Variants in TSR1 observed in about 807,000 individuals in gnomAD.
TSR1 encodes TSR1 ribosome maturation factor.
In TSR1, 81 loss-of-function variants were observed where a neutral mutation model predicts 90.9. That is an observed-to-expected ratio of 0.89 (90% CI 0.74 to 1.07). TSR1 has a LOEUF of 1.07. Ranked by LOEUF, TSR1 falls within the 50% of genes least tolerant of loss-of-function variation. The pLI, the probability that TSR1 is intolerant of heterozygous loss-of-function variation, is 0.00. For missense variants in TSR1, 989 were observed against 987.3 expected (o/e 1.00, Z -0.02); for synonymous variants, 362 against 348.8 (o/e 1.04, Z -0.42).
At chr17:2,327,651 A>C (rs2075583041) in intron 11 of TSR1, among the ~76,000 whole-genome samples, 1 of 152,216 alleles carries the variant, frequency 6.6e-6, no homozygotes, top group East Asian at 1.9e-4. Flanking sequence ...GTATCAGTAC[A>C]TCACATACAC....
Position 2,324,163 on chromosome 17 carries a change from T to A in TSR1, c.*33A>T. ...TGCCTCCCATCCCTGGAGTACTGAC[T>A]GGCACCGGTAAGACAGAATCTCTTT... On this transcript the variant is annotated 3_prime_UTR_variant, in exon 15 of 15. Transcript: ENST00000301364. 6.6e-7 allele frequency: 1 copy of A among 1,512,540 alleles called. No homozygotes were observed. Among genetic ancestry groups the A allele is most frequent in the South Asian group, 1.4e-5 (1 of 71,768 alleles). The allele number at this position is 1,512,540 out of a possible 1,614,324, so 93.7% of individuals were successfully genotyped here. A position where few individuals can be genotyped will look rare whatever the true frequency, so the allele number is the denominator to read the frequency against.
intron 11 of TSR1, among the ~76,000 whole-genome samples, chr17:2,328,308 A>G (rs1007172838): frequency 6.6e-6 from 1 of 151,048 alleles, no homozygotes; most frequent in Non-Finnish European, 1.5e-5. Flanking sequence ...GCACTTTGGG[A>G]GACCGAGGTG....
At chr17:2,331,302 G>C (rs959367512) in intron 8 of TSR1, among the ~76,000 whole-genome samples, 193 bp from the exon 9 acceptor site, 3 of 152,108 alleles carry the variant, frequency 2.0e-5, no homozygotes, top group African/African-American at 7.2e-5. Context: ...CCAAACCCAA[G>C]CTTCTCACTG....
At position 2,334,724 on chromosome 17, in the gene TSR1, A is replaced by G; in HGVS notation, c.729T>C (p.His243=). The change falls in exon 5 of 15, where the codon CAT becomes CAC. Residue 243 remains histidine (H), a synonymous_variant. Coordinates refer to ENST00000301364, the MANE Select transcript of TSR1 (RefSeq NM_018128.5). ...AGGCCCGCCGATCTCGAAAAGCAAG[A>G]TGCTGTTGCTTCTGGTTAGCCAACT... ...LRQLANQKQQ[H]LAFRDRRAYL... is the part of the protein sequence containing the mutation. 1 of 1,614,098 alleles carries G rather than the reference A, an allele frequency of 6.2e-7. No individual in the cohort carries two copies. Among genetic ancestry groups the G allele is most frequent in the African/African-American group, 1.3e-5 (1 of 75,068 alleles).
chr17:2,335,145 A>G (rs1012770235), intron 4 of TSR1, 115 bp downstream of exon 4: 3 of 1,217,492 alleles, frequency 2.5e-6, no homozygotes, highest in African/African-American at 3.1e-5. Flanking sequence ...AGTTTAATCC[A>G]TATGTGTACA....
chr17:2,335,462 A>T (rs751235082), intron 3 of TSR1, 49 bp downstream of exon 3: 4 of 1,586,186 alleles, frequency 2.5e-6, no homozygotes, highest in Non-Finnish European at 3.4e-6. Flanking sequence ...AAAAAAAAAA[A>T]AAATACCACT....
In TSR1 at chr17:2,323,268, A is replaced by C; in HGVS notation, c.*928T>G. On this transcript the variant is annotated 3_prime_UTR_variant, in exon 15 of 15. Transcript: ENST00000301364. The stretch of plus-strand genomic sequence containing the variant: ...AACCATAGCAGATGGTGTCAAATCC[A>C]GCATTGGCTTGAACACCTGGCCTAT... 1 of 1,614,210 alleles carries C rather than the reference A, an allele frequency of 6.2e-7. No individual in the cohort carries two copies. Among genetic ancestry groups the C allele is most frequent in the Non-Finnish European group, 8.5e-7 (1 of 1,180,018 alleles).
At position 2,332,273 on chromosome 17, in the gene TSR1, A is replaced by G. The variant is rs201562547; in HGVS notation, c.1392T>C (p.Asp464=). Residue 464 remains aspartate (D), a synonymous_variant, in exon 8 of 15, where the codon GAT becomes GAC. Coordinates refer to ENST00000301364, the MANE Select transcript of TSR1 (RefSeq NM_018128.5). ...VHDDLYDKKV[D]EEAEAKMLEK... is the part of the protein sequence containing the mutation. The stretch of plus-strand genomic sequence containing the variant: ...CCAACATTTTTGCCTCAGCTTCTTC[A>G]TCTACTTTCTTATCATACAGATCAT... 1 of 1,614,022 alleles carries G rather than the reference A, an allele frequency of 6.2e-7. No individual in the cohort carries two copies. Among genetic ancestry groups the G allele is most frequent in the African/African-American group, 1.3e-5 (1 of 75,016 alleles).
chr17:2,334,530 G>A lies in TSR1; in HGVS notation c.923C>T (p.Pro308Leu). Residue 308 changes from proline (P) to leucine (L), a missense_variant, in exon 5 of 15, where the codon CCT becomes CTT. Pro to Leu is a moderately conservative substitution (Grantham distance 98). Transcript: ENST00000301364. ...QMKQIDAPGDPFPLNPRGIKP... is the reference protein window; with the variant it reads ...QMKQIDAPGDLFPLNPRGIKP... Reference sequence around the variant, plus strand: ...AATTCCTCTAGGATTTAAAGGGAAAGGGTCTCCGGGGGCATCTATCTGTTT... The same window carrying A: ...AATTCCTCTAGGATTTAAAGGGAAAAGGTCTCCGGGGGCATCTATCTGTTT... The A allele has an allele frequency of 6.2e-7, 1 of 1,614,136 alleles. No individual in the cohort carries two copies.
chr17:2,330,574 C>G lies in TSR1; in HGVS notation c.1711G>C (p.Glu571Gln), dbSNP rs554423441. 6.2e-7 allele frequency: 1 copy of G among 1,613,978 alleles called. No individual in the cohort carries two copies. ...AAGGGTGTTCCTTGCCTGAAGCACT[C>G]GACCACTGAGACGGGGACTTCAGAG... ...HVSEVPVSVV[E>Q]CFRQGTPLIA... is the part of the protein sequence containing the mutation. Residue 571 changes from glutamate to glutamine, a missense_variant, in exon 10 of 15, where the codon GAG becomes CAG. By Grantham distance (29) the Glu-to-Gln change is conservative (BLOSUM62 2). Coordinates refer to ENST00000301364, the MANE Select transcript of TSR1 (RefSeq NM_018128.5).
At chr17:2,335,450 A>G in intron 3 of TSR1, 56 bp from the exon 4 acceptor site, 2 of 1,278,942 alleles carry the variant, frequency 1.6e-6, no homozygotes, top group Non-Finnish European at 2.2e-6. Flanking sequence ...ATTATTCTAA[A>G]AAAAAAAAAA....
At chr17:2,325,841 C>A (rs2075573494) in intron 11 of TSR1, among the ~76,000 whole-genome samples, 1 of 152,118 alleles carries the variant, frequency 6.6e-6, no homozygotes, top group Admixed American at 6.6e-5. Context: ...TCGAACTCCT[C>A]ACCTTGTGAT....
intron 12 of TSR1, 98 bp downstream of exon 12, chr17:2,325,206 T>C: frequency 1.2e-6 from 1 of 855,246 alleles, no homozygotes; most frequent in Non-Finnish European, 1.8e-6. Flanking sequence ...CATTACCTTC[T>C]CCATACCATT....
In TSR1 at chr17:2,323,757, C is replaced by T. The variant is rs1369749614; in HGVS notation, c.*439G>A. The T allele has an allele frequency of 1.9e-6, 3 of 1,614,128 alleles. No homozygotes were observed. Among genetic ancestry groups the T allele is most frequent in the African/African-American group, 2.7e-5 (2 of 75,030 alleles). On this transcript the variant is annotated 3_prime_UTR_variant, in exon 15 of 15. Coordinates refer to ENST00000301364, the MANE Select transcript of TSR1 (RefSeq NM_018128.5). ...GTCTCAACATTTTCAAACTGTTTCCCCAGAAGTAAAGAACATTTGTATTGT... is the reference window on the plus strand; with the variant it reads ...GTCTCAACATTTTCAAACTGTTTCCTCAGAAGTAAAGAACATTTGTATTGT...
At position 2,334,683 on chromosome 17, in the gene TSR1, G is replaced by T; in HGVS notation, c.770C>A (p.Ala257Asp). Residue 257 changes from alanine (A) to aspartate (D), a missense_variant, in exon 5 of 15, where the codon GCT (alanine) becomes GAT (aspartate). Ala to Asp is a moderately radical substitution (Grantham distance 126). Transcript: ENST00000301364. ...RDRRAYLFAHAVDFVPSEENN... is the reference protein window; with the variant it reads ...RDRRAYLFAHDVDFVPSEENN... The stretch of plus-strand genomic sequence containing the variant: ...CTCTTCACTAGGAACAAAATCAACA[G>T]CATGGGCAAATAGGTAGGCCCGCCG... 1 of 1,613,582 alleles carries T rather than the reference G, an allele frequency of 6.2e-7. No individual in the cohort carries two copies. The highest frequency in any genetic ancestry group is 1.3e-5 in the African/African-American group (1 of 75,032).
intron 2 of TSR1, 132 bp downstream of exon 2, chr17:2,335,905 T>C (rs1434897166): frequency 2.4e-6 from 3 of 1,233,492 alleles, no homozygotes; most frequent in Non-Finnish European, 3.4e-6. Flanking sequence ...ATGCTAGACC[T>C]GCACGCTCGA....
At chr17:2,328,362 C>T (rs1344160921) in intron 11 of TSR1, among the ~76,000 whole-genome samples, 1 of 151,690 alleles carries the variant, frequency 6.6e-6, no homozygotes, top group Non-Finnish European at 1.5e-5. Flanking sequence ...GCCTGAACTC[C>T]TGGTCTTGGT....
chr17:2,324,850 A>C (rs377663731), intron 12 of TSR1, 21 bp from the exon 13 acceptor site: 3 of 1,598,054 alleles, frequency 1.9e-6, no homozygotes, highest in Non-Finnish European at 1.7e-6. Context: ...AAAGCAAAGA[A>C]GCTATTTAGG....
chr17:2,336,437 C>A lies in TSR1; in HGVS notation c.-10G>T. The A allele has an allele frequency of 6.2e-7, 1 of 1,608,412 alleles. No homozygotes were observed. Among genetic ancestry groups the A allele is most frequent in the Non-Finnish European group, 8.5e-7 (1 of 1,179,512 alleles). On this transcript the variant is annotated 5_prime_UTR_variant, in exon 1 of 15. Transcript: ENST00000301364. ...GGCGGTGGGCCGCCATGCCGCAGCG[C>A]GCGTGTACGGAGTCAGCACTGCTTC... is the stretch of plus-strand genomic sequence containing the variant.
Sources: gnomAD v4.1 joint callset for allele counts (sites outside exome capture counted in the v4.1 genomes callset) on GRCh38, gnomAD v4.1.1 for gene constraint, MANE v1.5 for transcripts, NCBI Gene and HGNC (gene_info 2026-07-23, HGNC 2026-07-21) for gene names.